CAPRIN1: variants seen among roughly 807,000 people sequenced by gnomAD.
CAPRIN1 encodes cell cycle associated protein 1.
In CAPRIN1, 29 loss-of-function variants were observed where a neutral mutation model predicts 100.9. The observed-to-expected ratio is 0.29, with a 90% confidence interval of 0.21 to 0.39. The LOEUF (loss-of-function observed/expected upper bound fraction) is 0.39, where lower values mean the gene tolerates loss of function less well. Among genes scored for constraint, CAPRIN1 ranks in the 10% least tolerant of loss-of-function variants. CAPRIN1 has a pLI of 1.00. For synonymous variants in CAPRIN1, 338 were observed against 307.5 expected (o/e 1.10, Z -1.04); for missense variants, 795 against 876.7 (o/e 0.91, Z 1.18).
chr11:34,070,923 A>T (rs1850793925), intron 2 of CAPRIN1, among the ~76,000 whole-genome samples: 1 of 151,858 alleles, frequency 6.6e-6, no homozygotes, highest in African/African-American at 2.4e-5. Context: ...GCTGGTCTCG[A>T]GCTCCTGACC....
chr11:34,083,317 G>T (rs1440000664), intron 9 of CAPRIN1, among the ~76,000 whole-genome samples: 1 of 152,132 alleles, frequency 6.6e-6, no homozygotes, highest in African/African-American at 2.4e-5. Context: ...ACTGAAATTA[G>T]GTTGCTCTGT....
intron 16 of CAPRIN1, among the ~76,000 whole-genome samples, 190 bp from the exon 17 acceptor site, chr11:34,097,005 GT>G (rs1469125348): frequency 2.6e-5 from 4 of 152,134 alleles, no homozygotes; most frequent in African/African-American, 7.2e-5. Context: ...TGGGTTAAAA[GT>G]TTATCTTCTG....
chr11:34,089,254 G>A (rs1406798738), intron 11 of CAPRIN1, 141 bp from the exon 12 acceptor site: 1 of 164,658 alleles, frequency 6.1e-6, no homozygotes. Context: ...GGGTGACAGA[G>A]TGAGACACTC....
At chr11:34,092,453 C>T (rs1851282148) in intron 15 of CAPRIN1, among the ~76,000 whole-genome samples, 1 of 151,438 alleles carries the variant, frequency 6.6e-6, no homozygotes, top group Admixed American at 6.6e-5. Context: ...GCCTCCTGGA[C>T]ACAAGCAATC....
At position 34,090,693 on chromosome 11, in the gene CAPRIN1, T is replaced by G. The variant is rs536958388; in HGVS notation, c.1554+15T>G. The G allele has an allele frequency of 1.1e-5, 18 of 1,603,474 alleles. No individual in the cohort carries two copies. The South Asian group carries it at 1.9e-4, about 17-fold the overall frequency. ...CCATGCAAACGGTAAGCAAATTAAC[T>G]AACATTAATTGCCTAGTATGTAATA... On this transcript the variant is annotated intron_variant, in intron 14 of 18. Coordinates refer to ENST00000341394, the MANE Select transcript of CAPRIN1 (RefSeq NM_005898.5).
chr11:34,086,419 T>C lies in CAPRIN1; in HGVS notation c.1231+6T>C, dbSNP rs1324550696. 6.5e-7 allele frequency: 1 copy of C among 1,532,394 alleles called. No homozygotes were observed. The highest frequency in any genetic ancestry group is 9.0e-7 in the Non-Finnish European group (1 of 1,115,280). The allele number at this position is 1,532,394 out of a possible 1,614,324, so 94.9% of individuals were successfully genotyped here. A position where few individuals can be genotyped will look rare whatever the true frequency, so the allele number is the denominator to read the frequency against. On this transcript the variant is annotated splice_donor_region_variant and intron_variant, in intron 11 of 18. Coordinates refer to ENST00000341394, the MANE Select transcript of CAPRIN1 (RefSeq NM_005898.5). ...CCAGCTGGTTTGCCCTCCAGGTTAG[T>C]AGTGGTACATTTTTATGTGAGAGAG...
intron 12 of CAPRIN1, 131 bp from the exon 13 acceptor site, chr11:34,090,048 G>A (rs542590254): frequency 1.4e-5 from 7 of 517,876 alleles, no homozygotes; most frequent in Non-Finnish European, 2.4e-5. Context: ...AAGAGAGATG[G>A]TAATATTAAT....
At position 34,086,100 on chromosome 11, in the gene CAPRIN1, T is replaced by A; in HGVS notation, c.1003T>A (p.Ser335Thr). 6.2e-7 allele frequency: 1 copy of A among 1,614,124 alleles called. No homozygotes were observed. The highest frequency in any genetic ancestry group is 8.5e-7 in the Non-Finnish European group (1 of 1,180,024). ...NSLQQQPQAA[S>T]PSVPEPHSLT... ...ACTCCAGCAGCAACCTCAGGCTGCA[T>A]CCCCTTCAGTACCAGAGCCCCACTC... Residue 335 changes from serine to threonine, a missense_variant, in exon 10 of 19, where the codon TCC (serine) becomes ACC (threonine). Physicochemically the swap from Ser to Thr is moderately conservative, Grantham distance 58 (BLOSUM62 1). This residue lies in a region of CAPRIN1 where 648 missense variants were observed against 697.9 expected (regional missense o/e 0.93). Coordinates refer to ENST00000341394, the MANE Select transcript of CAPRIN1 (RefSeq NM_005898.5).
chr11:34,071,688 C>T (rs1217988870), intron 2 of CAPRIN1, 38 bp from the exon 3 acceptor site: 1 of 1,487,588 alleles, frequency 6.7e-7, no homozygotes, highest in Admixed American at 1.7e-5. Context: ...TATATACCTT[C>T]AAAACGGAAT....
intron 2 of CAPRIN1, among the ~76,000 whole-genome samples, chr11:34,060,623 G>T (rs1352887073): frequency 6.6e-6 from 1 of 152,216 alleles, no homozygotes; most frequent in Non-Finnish European, 1.5e-5. Flanking sequence ...GGACAGGAAA[G>T]ATAGTAAGCA....
chr11:34,079,790 T>C (rs1565091627), intron 7 of CAPRIN1, 25 bp downstream of exon 7: 12 of 1,601,466 alleles, frequency 7.5e-6, no homozygotes, highest in Non-Finnish European at 1.0e-5. Flanking sequence ...GATATCAACT[T>C]TAGTTTAGGG....
chr11:34,074,856 G>A (rs1219578420), intron 4 of CAPRIN1, among the ~76,000 whole-genome samples: 1 of 152,036 alleles, frequency 6.6e-6, no homozygotes, highest in Non-Finnish European at 1.5e-5. Context: ...GGGCAACAGA[G>A]TGAGACTCCA....
At chr11:34,063,794 T>C (rs1247206879) in intron 2 of CAPRIN1, among the ~76,000 whole-genome samples, 3 of 152,152 alleles carry the variant, frequency 2.0e-5, no homozygotes, top group Non-Finnish European at 4.4e-5. Context: ...GTAGTAGGCT[T>C]TCTGATGAAG....
At chr11:34,072,058 C>A in intron 4 of CAPRIN1, 71 bp downstream of exon 4, 2 of 955,920 alleles carry the variant, frequency 2.1e-6, no homozygotes, top group Non-Finnish European at 3.2e-6. Flanking sequence ...CCTTCCATTA[C>A]TATTGATAAG....
chr11:34,101,080 A>G lies in CAPRIN1; in HGVS notation c.*1713A>G, dbSNP rs534352437. ...TAGGCTGTTGAACATTCCACATTCA[A>G]AAGTTTTGTAGGGTGGTGGGAAATG... On this transcript the variant is annotated 3_prime_UTR_variant, in exon 19 of 19. Coordinates refer to ENST00000341394, the MANE Select transcript of CAPRIN1 (RefSeq NM_005898.5). 6 of 152,706 alleles carry G rather than the reference A, an allele frequency of 3.9e-5. No individual in the cohort carries two copies. In the South Asian group the frequency reaches 1.0e-3, roughly 26 times the overall value. The allele number at this position is 152,706 out of a possible 1,614,324, so 9.5% of individuals were successfully genotyped here. A position where few individuals can be genotyped will look rare whatever the true frequency, so the allele number is the denominator to read the frequency against.
intron 2 of CAPRIN1, among the ~76,000 whole-genome samples, chr11:34,064,954 G>GTTTTTTTTTTATTT (rs1850656333): frequency 1.6e-5 from 1 of 63,140 alleles, no homozygotes. Flanking sequence ...CTGTATAATG[G>GTTTTTTTTTTATTT]TTTTTTTTTT....
intron 14 of CAPRIN1, 89 bp downstream of exon 14, chr11:34,090,767 G>C: frequency 8.7e-7 from 1 of 1,154,638 alleles, no homozygotes; most frequent in Non-Finnish European, 1.3e-6. Flanking sequence ...TCATTTAACT[G>C]TGCTTGAGTC....
Position 34,069,297 on chromosome 11 carries a change from G to A in CAPRIN1, c.217-2429G>A, listed in dbSNP as rs189001753. Among the ~76,000 whole-genome samples the A allele has an allele frequency of 7.4e-4, 112 of 151,698 alleles. 2 individuals carry two copies. Among genetic ancestry groups the A allele is most frequent in the Admixed American group, 2.4e-3 (37 of 15,232 alleles). On this transcript the variant is annotated intron_variant, in intron 2 of 18. Transcript: ENST00000341394. ...TCTGAGTAGCTGGGATTACAAGTGC[G>A]CGCCACCATGCCTGGCTAATTTTTG...
At chr11:34,090,092 A>G (rs2134130308) in intron 12 of CAPRIN1, 87 bp from the exon 13 acceptor site, 1 of 662,408 alleles carries the variant, frequency 1.5e-6, no homozygotes, top group East Asian at 2.8e-5. Flanking sequence ...TCTATTTCTT[A>G]GCCTTATGCG....
Sources: gnomAD v4.1 joint callset for allele counts (sites outside exome capture counted in the v4.1 genomes callset) on GRCh38, gnomAD v4.1.1 for gene constraint, gnomAD v4.1.1 regional missense constraint, MANE v1.5 for transcripts, NCBI Gene and HGNC (gene_info 2026-07-23, HGNC 2026-07-21) for gene names.